RLF: variants seen among roughly 807,000 people sequenced by gnomAD.
The protein encoded by RLF is zinc finger protein Rlf.
Under a neutral mutation model 162.9 loss-of-function variants are expected in RLF, and 7 were observed. That is an observed-to-expected ratio of 0.04 (90% CI 0.02 to 0.08). The LOEUF (loss-of-function observed/expected upper bound fraction) is 0.08. Among genes scored for constraint, RLF ranks in the 10% least tolerant of loss-of-function variants. The pLI is 1.00. For missense variants in RLF, 1,664 were observed against 2,244.7 expected (o/e 0.74, Z 5.23); for synonymous variants, 782 against 791.5 (o/e 0.99, Z 0.20).
At chr1:40,213,937 T>C (rs543998673) in intron 5 of RLF, among the ~76,000 whole-genome samples, 1 of 152,258 alleles carries the variant, frequency 6.6e-6, no homozygotes, top group African/African-American at 2.4e-5. Context: ...CCTTCTGTTA[T>C]GCCAGTTGGC....
chr1:40,231,656 G>C lies in RLF; in HGVS notation c.1087G>C (p.Glu363Gln). ...TTGCCTCATTAGAGTTATACAAACT[G>C]AAGTGAGTACTTTATGCCTTCTCTG... ...LFCLIRVIQT[E>Q]AQDAGLGVSI... Residue 363 changes from glutamate to glutamine, a missense_variant and splice_region_variant, in exon 7 of 8, where the codon GAA (glutamate) becomes CAA (glutamine). Transcript: ENST00000372771. 6.2e-7 allele frequency: 1 copy of C among 1,611,050 alleles called. No homozygotes were observed. Among genetic ancestry groups the C allele is most frequent in the Non-Finnish European group, 8.5e-7 (1 of 1,179,108 alleles).
intron 4 of RLF, 29 bp downstream of exon 4, chr1:40,195,793 A>G (rs1274902167): frequency 1.3e-6 from 2 of 1,591,724 alleles, no homozygotes; most frequent in Non-Finnish European, 1.7e-6. Context: ...TTGGATGAGG[A>G]TTTAGTTCTG....
At chr1:40,200,895 C>G (rs909760820) in intron 4 of RLF, among the ~76,000 whole-genome samples, 2 of 119,034 alleles carry the variant, frequency 1.7e-5, no homozygotes, top group Non-Finnish European at 3.5e-5. Flanking sequence ...CACACACACA[C>G]ACACACACAC....
At chr1:40,195,959 T>C (rs1177899296) in intron 4 of RLF, among the ~76,000 whole-genome samples, 195 bp downstream of exon 4, 1 of 152,248 alleles carries the variant, frequency 6.6e-6, no homozygotes, top group African/African-American at 2.4e-5. Flanking sequence ...TAAGTCCCTT[T>C]ACACTCATTT....
rs143510633 is a variant in RLF, at chr1:40,161,648, ACTGG to A, written c.237+20_237+23del. 3.6e-4 allele frequency: 573 copies of A among 1,608,460 alleles called. 8 individuals are homozygous for A. The East Asian group carries it at 9.9e-3, about 28-fold the overall frequency. On this transcript the variant is annotated intron_variant, in intron 1 of 7. Transcript: ENST00000372771. This position sits in a 1 kb window ranked among gnomAD's most constrained non-coding sequence, Gnocchi z 4.4. ...GGAGCTTCTGCCAGGTGAGGGGCTG[ACTGG>A]CTGGCTGAGGGCGGCGGGGCGGGGA... is the stretch of plus-strand genomic sequence containing the variant.
chr1:40,167,413 A>G (rs140108168), intron 1 of RLF, among the ~76,000 whole-genome samples: 1 of 152,330 alleles, frequency 6.6e-6, no homozygotes, highest in African/African-American at 2.4e-5. Context: ...GCACATGACA[A>G]AAACATAGTA....
At chr1:40,213,335 G>C (rs373203270) in intron 5 of RLF, among the ~76,000 whole-genome samples, 1 of 152,236 alleles carries the variant, frequency 6.6e-6, no homozygotes, top group South Asian at 2.1e-4. Context: ...ATGAAGAGTC[G>C]ATCAGACATA....
intron 5 of RLF, among the ~76,000 whole-genome samples, chr1:40,217,925 C>T (rs949000631): frequency 1.3e-5 from 2 of 152,044 alleles, no homozygotes; most frequent in Non-Finnish European, 2.9e-5. Flanking sequence ...TGCTGTGTAA[C>T]GTGTATGTAG....
rs775665795 is a variant in RLF at position 40,237,628 on chromosome 1, C to T, written c.2926C>T (p.Arg976Trp). ...KNARGMQKHL[R>W]KVHPYHFKPK... ...TGCAAGAGGAATGCAGAAACATTTACGGAAGGTTCATCCATACCATTTCAA... is the reference window on the plus strand; with the variant it reads ...TGCAAGAGGAATGCAGAAACATTTATGGAAGGTTCATCCATACCATTTCAA... Residue 976 changes from arginine to tryptophan, a missense_variant, in exon 8 of 8, where the codon CGG becomes TGG. Physicochemically the swap from Arg to Trp is moderately radical, Grantham distance 101. Coordinates refer to ENST00000372771, the MANE Select transcript of RLF (RefSeq NM_012421.4). The surrounding 1 kb of genome is among the most constrained non-coding windows in gnomAD (Gnocchi z 4.4). 5.6e-6 allele frequency: 9 copies of T among 1,613,940 alleles called. No homozygotes were observed. The East Asian group carries it at 8.9e-5, about 16-fold the overall frequency.
chr1:40,189,609 G>A (rs533825553), intron 2 of RLF, among the ~76,000 whole-genome samples: 2 of 152,206 alleles, frequency 1.3e-5, no homozygotes, highest in African/African-American at 2.4e-5. Context: ...AAATATCAGG[G>A]TACAGTATAA....
At chr1:40,184,670 G>A (rs1642448407) in intron 1 of RLF, among the ~76,000 whole-genome samples, 1 of 152,082 alleles carries the variant, frequency 6.6e-6, no homozygotes, top group South Asian at 2.1e-4. Flanking sequence ...GTGAATGAGA[G>A]CACCGAATAG....
intron 6 of RLF, among the ~76,000 whole-genome samples, chr1:40,226,061 A>G (rs1482711767): frequency 2.6e-5 from 4 of 152,132 alleles, no homozygotes; most frequent in African/African-American, 9.7e-5. Flanking sequence ...AAAAAACCAA[A>G]CAAAAACAAA....
intron 5 of RLF, among the ~76,000 whole-genome samples, chr1:40,205,832 CT>C (rs759757124): frequency 3.3e-5 from 5 of 152,114 alleles, no homozygotes; most frequent in Admixed American, 6.6e-5. Context: ...ACCTTTGCCC[CT>C]GGCAGTATAC....
In RLF at chr1:40,161,615, C is replaced by T; in HGVS notation, c.216C>T (p.Asn72=). 6.2e-7 allele frequency: 1 copy of T among 1,612,852 alleles called. No homozygotes were observed. The highest frequency in any genetic ancestry group is 1.1e-5 in the South Asian group (1 of 90,906). ...EQEVSEVSSL[N]YCRSFCQTLL... is the part of the protein sequence containing the mutation. The stretch of plus-strand genomic sequence containing the variant: ...AGGTGTCGGAGGTCTCATCTTTGAA[C>T]TACTGCCGGAGCTTCTGCCAGGTGA... Residue 72 remains asparagine, a synonymous_variant, in exon 1 of 8, where the codon AAC becomes AAT. Transcript: ENST00000372771. The surrounding 1 kb of genome is among the most constrained non-coding windows in gnomAD (Gnocchi z 4.4).
chr1:40,162,303 AGT>A (rs1491389103), intron 1 of RLF, among the ~76,000 whole-genome samples: 30 of 151,314 alleles, frequency 2.0e-4, no homozygotes, highest in Admixed American at 2.0e-3. Context: ...AGGGATGTAG[AGT>A]GTGGCCTCTT....
intron 7 of RLF, among the ~76,000 whole-genome samples, chr1:40,232,228 AAAG>A (rs1253874831): frequency 1.3e-5 from 2 of 151,944 alleles, no homozygotes; most frequent in East Asian, 1.9e-4. Flanking sequence ...AAAAAAAAAA[AAAG>A]AACATTTCAA....
At chr1:40,189,919 A>C (rs1171615784) in intron 2 of RLF, among the ~76,000 whole-genome samples, 1 of 152,252 alleles carries the variant, frequency 6.6e-6, no homozygotes, top group East Asian at 1.9e-4. Flanking sequence ...TACAACAGCC[A>C]ATCAGTTTTA....
chr1:40,180,081 A>T (rs894457414), intron 1 of RLF, among the ~76,000 whole-genome samples: 1 of 152,046 alleles, frequency 6.6e-6, no homozygotes, highest in African/African-American at 2.4e-5. Context: ...ATCTGCTGTC[A>T]CTTCTTTGGG....
chr1:40,204,382 C>T (rs1264637183), intron 5 of RLF, among the ~76,000 whole-genome samples: 2 of 151,968 alleles, frequency 1.3e-5, no homozygotes, highest in Non-Finnish European at 2.9e-5. Context: ...TCTTCACCTA[C>T]TCTATGTGTT....
Sources: allele counts gnomAD v4.1 joint callset (sites outside exome capture counted in the v4.1 genomes callset), GRCh38; gene constraint gnomAD v4.1.1; non-coding constraint Gnocchi (gnomAD v3.1); transcripts MANE v1.5; gene names NCBI Gene and HGNC (gene_info 2026-07-23, HGNC 2026-07-21).